MLLT10: variants seen among roughly 807,000 people sequenced by gnomAD.
MLLT10 encodes MLLT10 histone lysine methyltransferase DOT1L cofactor, also known as protein AF-10.
MLLT10 carries 30 observed loss-of-function variants against 129.1 expected under a neutral mutation model. The observed-to-expected ratio is 0.23, with a 90% confidence interval of 0.17 to 0.32. The LOEUF is 0.32. MLLT10 is among the 10% of genes least tolerant of loss of function. The pLI is 1.00. For missense variants in MLLT10, 1,119 were observed against 1,268.3 expected (o/e 0.88, Z 1.79); for synonymous variants, 490 against 446.4 (o/e 1.10, Z -1.23).
At chr10:21,641,135 A>G (rs1362119626) in intron 8 of MLLT10, among the ~76,000 whole-genome samples, 1 of 152,226 alleles carries the variant, frequency 6.6e-6, no homozygotes, top group Non-Finnish European at 1.5e-5. Context: ...GGAAATGTCT[A>G]GTTACCTGCC....
At chr10:21,692,304 A>G (rs1469428558) in intron 13 of MLLT10, among the ~76,000 whole-genome samples, 5 of 151,954 alleles carry the variant, frequency 3.3e-5, no homozygotes, top group Non-Finnish European at 7.4e-5. Flanking sequence ...GGGATTGACA[A>G]AATTATCACA....
intron 9 of MLLT10, among the ~76,000 whole-genome samples, chr10:21,668,168 A>G (rs1228216976): frequency 6.6e-6 from 1 of 152,160 alleles, no homozygotes; most frequent in Admixed American, 6.5e-5. Flanking sequence ...TATTATATAC[A>G]AGAATTACAC....
At chr10:21,581,692 T>C (rs973829431) in intron 3 of MLLT10, among the ~76,000 whole-genome samples, 3 of 152,218 alleles carry the variant, frequency 2.0e-5, no homozygotes, top group Admixed American at 1.3e-4. Flanking sequence ...TGGCAGTTTT[T>C]TCCTATGTAC....
rs985333633 is a variant in MLLT10, at chr10:21,692,021, A to G, written c.1699+9764A>G. 2.1e-3 allele frequency among the ~76,000 whole-genome samples: 319 copies of G among 149,848 alleles called. 3 individuals carry two copies. The highest frequency in any genetic ancestry group is 7.4e-3 in the African/African-American group (304 of 41,094). ...ATCTACAAAAAAAAAAAAAAAAAAA[A>G]AAAGAGCCAGGTGGGGTGGTGGCAC... On this transcript the variant is annotated intron_variant, in intron 13 of 22. Transcript: ENST00000307729.
intron 8 of MLLT10, chr10:21,624,878 TG>T: frequency 8.7e-7 from 1 of 1,154,426 alleles, no homozygotes; most frequent in Non-Finnish European, 1.3e-6. Flanking sequence ...TACAGCCTCG[TG>T]GTGGTCCCAA....
chr10:21,588,716 GT>G (rs2042227088), intron 4 of MLLT10, among the ~76,000 whole-genome samples: 1 of 151,826 alleles, frequency 6.6e-6, no homozygotes, highest in Non-Finnish European at 1.5e-5. Context: ...CCAAGCAGTA[GT>G]TTTGCATTTC....
intron 9 of MLLT10, among the ~76,000 whole-genome samples, chr10:21,653,327 T>G (rs1220272331): frequency 6.6e-6 from 1 of 152,164 alleles, no homozygotes; most frequent in Non-Finnish European, 1.5e-5. Flanking sequence ...TTTGGTTCCT[T>G]GTGATTGGTT....
At chr10:21,623,985 C>T (rs926955189) in intron 8 of MLLT10, among the ~76,000 whole-genome samples, 42 of 151,924 alleles carry the variant, frequency 2.8e-4, no homozygotes, top group African/African-American at 9.2e-4. Context: ...ATTGGAAATA[C>T]AATCACATCA....
chr10:21,618,791 G>A (rs2045518611), intron 8 of MLLT10, among the ~76,000 whole-genome samples: 1 of 151,856 alleles, frequency 6.6e-6, no homozygotes, highest in Non-Finnish European at 1.5e-5. Flanking sequence ...AGAGTGCAGT[G>A]GCGTGATCTC....
chr10:21,536,717 A>G (rs2034086238), intron 2 of MLLT10, among the ~76,000 whole-genome samples: 1 of 151,854 alleles, frequency 6.6e-6, no homozygotes, highest in Non-Finnish European at 1.5e-5. Context: ...ACAGGCCTGG[A>G]CAACCATGTC....
intron 8 of MLLT10, among the ~76,000 whole-genome samples, chr10:21,644,818 A>G (rs1461232203): frequency 6.6e-6 from 1 of 151,772 alleles, no homozygotes; most frequent in African/African-American, 2.4e-5. Flanking sequence ...TTTTGTGGAG[A>G]TGGGTTGTCA....
intron 14 of MLLT10, 70 bp from the exon 15 acceptor site, chr10:21,726,174 T>C: frequency 9.8e-7 from 1 of 1,020,096 alleles, no homozygotes; most frequent in South Asian, 1.7e-5. Context: ...TTACTAGATC[T>C]ATTAGAAGGG....
At chr10:21,635,387 T>G (rs1338641272) in intron 8 of MLLT10, among the ~76,000 whole-genome samples, 4 of 152,182 alleles carry the variant, frequency 2.6e-5, no homozygotes, top group African/African-American at 9.7e-5. Context: ...GTTTGTTTTT[T>G]TGAGACAGAG....
intron 3 of MLLT10, among the ~76,000 whole-genome samples, chr10:21,576,748 A>C (rs949540975): frequency 4.9e-4 from 74 of 151,724 alleles, no homozygotes; most frequent in Middle Eastern, 3.4e-3. Flanking sequence ...CTCCTGCCTC[A>C]GCCTCACGAG....
intron 14 of MLLT10, among the ~76,000 whole-genome samples, chr10:21,715,905 G>A (rs554657927): frequency 2.6e-5 from 4 of 152,336 alleles, no homozygotes; most frequent in Non-Finnish European, 5.9e-5. Context: ...TACATGCTGT[G>A]TACTGAGATA....
chr10:21,554,971 G>A lies in MLLT10; in HGVS notation c.240+16059G>A, dbSNP rs187472226. Among the ~76,000 whole-genome samples the A allele has an allele frequency of 3.0e-4, 46 of 151,418 alleles. No homozygotes were observed. The East Asian group carries it at 4.9e-3, about 16-fold the overall frequency. ...CGAGTACCTGGGATGACAGGCGCAC[G>A]CCACCATGCCCAGCTAATTTTCTAT... On this transcript the variant is annotated intron_variant, in intron 3 of 22. Coordinates refer to ENST00000307729, the MANE Select transcript of MLLT10 (RefSeq NM_001195626.3).
At chr10:21,555,379 C>T (rs1017893443) in intron 3 of MLLT10, among the ~76,000 whole-genome samples, 3 of 151,578 alleles carry the variant, frequency 2.0e-5, no homozygotes, top group South Asian at 2.1e-4. Flanking sequence ...CCTGCCACCA[C>T]GCCTGGCTAA....
At chr10:21,572,559 G>T (rs1369530486) in intron 3 of MLLT10, among the ~76,000 whole-genome samples, 1 of 151,882 alleles carries the variant, frequency 6.6e-6, no homozygotes, top group Non-Finnish European at 1.5e-5. Context: ...TGCTTTGTCT[G>T]AGCAGTCGTT....
chr10:21,587,123 G>A (rs999767185), intron 4 of MLLT10, among the ~76,000 whole-genome samples: 1 of 151,786 alleles, frequency 6.6e-6, no homozygotes, highest in Non-Finnish European at 1.5e-5. Flanking sequence ...TTTTAGGCTG[G>A]GTGTGCTGCC....
Sources: gnomAD v4.1 joint callset for allele counts (sites outside exome capture counted in the v4.1 genomes callset) on GRCh38, gnomAD v4.1.1 for gene constraint, MANE v1.5 for transcripts, NCBI Gene and HGNC (gene_info 2026-07-23, HGNC 2026-07-21) for gene names.